AKAP9: variants seen among roughly 807,000 people sequenced by gnomAD.
AKAP9 encodes A-kinase anchoring protein 9.
Under a neutral mutation model 488.5 loss-of-function variants are expected in AKAP9, and 311 were observed. That is an observed-to-expected ratio of 0.64 (90% confidence interval 0.58 to 0.70). The LOEUF (loss-of-function observed/expected upper bound fraction) is 0.70. AKAP9 is among the 30% of genes least tolerant of loss of function. AKAP9 has a pLI of 0.00. For missense variants in AKAP9, 4,215 were observed against 4,374.5 expected (o/e 0.96, Z 1.03); for synonymous variants, 1,462 against 1,483.5 (o/e 0.99, Z 0.33).
chr7:92,047,985 T>A (rs1807292458), intron 21 of AKAP9, among the ~76,000 whole-genome samples: 1 of 152,152 alleles, frequency 6.6e-6, no homozygotes, highest in Non-Finnish European at 1.5e-5. Flanking sequence ...CCATCTTGCA[T>A]CTTTAAGGAT....
chr7:92,098,177 T>C lies in AKAP9; in HGVS notation c.10676T>C (p.Leu3559Ser), dbSNP rs765626241. ...WVQENIDEIILQLQKLTGQQG... is the reference protein window; with the variant it reads ...WVQENIDEIISQLQKLTGQQG... ...CAGGAAAATATTGATGAAATTATTT[T>C]ACAACTACAGAAATTAACTGGCCAG... The change falls in exon 43 of 50, where the codon TTA (leucine) becomes TCA (serine). Residue 3559 changes from leucine to serine, a missense_variant. By Grantham distance (145) the Leu-to-Ser change is moderately radical. This residue lies in a region of AKAP9 where 1,476 missense variants were observed against 1,477.4 expected (regional missense o/e 1.00). Coordinates refer to ENST00000356239, the MANE Select transcript of AKAP9 (RefSeq NM_005751.5). 6.2e-7 allele frequency: 1 copy of C among 1,612,136 alleles called. No homozygotes were observed. The highest frequency in any genetic ancestry group is 1.1e-5 in the South Asian group (1 of 91,016).
Position 92,001,754 on chromosome 7 carries a change from A to G in AKAP9, c.1837A>G (p.Arg613Gly). The G allele has an allele frequency of 6.2e-7, 1 of 1,613,398 alleles. No individual in the cohort carries two copies. The highest frequency in any genetic ancestry group is 8.5e-7 in the Non-Finnish European group (1 of 1,179,790). Residue 613 changes from arginine (R) to glycine (G), a missense_variant, in exon 8 of 50, where the codon AGA (arginine) becomes GGA (glycine). Arg to Gly is a moderately radical substitution (Grantham distance 125). This residue lies in a region of AKAP9 where 2,361 missense variants were observed against 2,430.0 expected (regional missense o/e 0.97). Transcript: ENST00000356239. ...AAAAGAAAAGAATGCTGTGTTAGAC[A>G]GAATGGCTGAATCACAAGAAGCTGA... ...LEKEKNAVLD[R>G]MAESQEAELE...
intron 7 of AKAP9, among the ~76,000 whole-genome samples, chr7:91,999,132 C>G (rs1355322879): frequency 6.6e-6 from 1 of 152,160 alleles, no homozygotes; most frequent in Non-Finnish European, 1.5e-5. Flanking sequence ...TGGCCTTCGA[C>G]TTGTAGGTTC....
chr7:92,070,701 C>T (rs1811577446), intron 27 of AKAP9, among the ~76,000 whole-genome samples: 1 of 151,154 alleles, frequency 6.6e-6, no homozygotes, highest in Admixed American at 6.6e-5. Flanking sequence ...TCCCAAAGTG[C>T]TGGGATTACA....
chr7:92,033,927 C>G (rs1298955250), intron 16 of AKAP9, among the ~76,000 whole-genome samples: 1 of 152,188 alleles, frequency 6.6e-6, no homozygotes, highest in East Asian at 1.9e-4. Context: ...AGGATGAAAT[C>G]TTTGTTTCCA....
At chr7:92,024,529 T>G (rs1802813933) in intron 14 of AKAP9, among the ~76,000 whole-genome samples, 1 of 151,668 alleles carries the variant, frequency 6.6e-6, no homozygotes, top group Non-Finnish European at 1.5e-5. Flanking sequence ...TCGTCTCTGG[T>G]GAAAGACTTT....
Position 91,963,530 on chromosome 7 carries a change from ATT to A in AKAP9, c.49-10177_49-10176del, listed in dbSNP as rs1279461691. On this transcript the variant is annotated intron_variant, in intron 1 of 49. Transcript: ENST00000356239. ...CACACACACACACACACACACACAT[ATT>A]TTTGAGACGGAGTCTTGCTCTGTCG... Among the ~76,000 whole-genome samples the A allele has an allele frequency of 1.8e-3, 271 of 150,020 alleles. 2 individuals are homozygous for A. Among genetic ancestry groups the A allele is most frequent in the Non-Finnish European group, 2.3e-3 (154 of 67,596 alleles).
rs1479531636 is a variant in AKAP9, at chr7:92,079,214, C to T, written c.7081C>T (p.Gln2361Ter). 1.2e-6 allele frequency: 2 copies of T among 1,613,880 alleles called. No homozygotes were observed. The highest frequency in any genetic ancestry group is 1.7e-6 in the Non-Finnish European group (2 of 1,179,972). ...QLNEVIEKLQ[Q>*]ELANIGQKTS... ...CAATGAAGTGATTGAAAAACTTCAA[C>T]AGGAATTGGCAAATATTGGACAGAA... Residue 2361 changes from glutamine (Q) to a stop codon, truncating the protein, a stop_gained, in exon 31 of 50, where the codon CAG (glutamine) becomes TAG (stop). Coordinates refer to ENST00000356239, the MANE Select transcript of AKAP9 (RefSeq NM_005751.5). LOFTEE classifies it high-confidence loss of function.
At chr7:91,963,498 AC>A (rs1794019218) in intron 1 of AKAP9, among the ~76,000 whole-genome samples, 3 of 145,820 alleles carry the variant, frequency 2.1e-5, no homozygotes, top group Non-Finnish European at 3.0e-5. Context: ...ACACACACAC[AC>A]ACACACACAC....
At chr7:92,095,225 G>C in intron 40 of AKAP9, 52 bp downstream of exon 40, 2 of 1,600,468 alleles carry the variant, frequency 1.2e-6, no homozygotes, top group Non-Finnish European at 1.7e-6. Context: ...TGATAGAAGA[G>C]GGTCTTAAGG....
intron 32 of AKAP9, 54 bp downstream of exon 32, chr7:92,082,716 G>C (rs1052954711): frequency 6.3e-7 from 1 of 1,581,476 alleles, no homozygotes; most frequent in East Asian, 2.2e-5. Flanking sequence ...TCTTAATTAC[G>C]TTTCAAAGTA....
chr7:92,102,166 AAAAAAAAT>A (rs941143056), intron 45 of AKAP9, among the ~76,000 whole-genome samples: 3 of 116,796 alleles, frequency 2.6e-5, no homozygotes, highest in Non-Finnish European at 5.1e-5. Flanking sequence ...ATAAATTTAA[AAAAAAAAT>A]AAATAAATAA....
intron 31 of AKAP9, among the ~76,000 whole-genome samples, chr7:92,080,395 G>A (rs1199117840): frequency 1.3e-5 from 2 of 152,078 alleles, no homozygotes; most frequent in African/African-American, 2.4e-5. Context: ...TCAGGAGATC[G>A]AGACCATCCT....
chr7:91,972,204 C>G (rs185123349), intron 1 of AKAP9, among the ~76,000 whole-genome samples: 116 of 152,158 alleles, frequency 7.6e-4, no homozygotes, highest in African/African-American at 2.7e-3. Flanking sequence ...TGCTGAACAG[C>G]CAGTCTGATT....
chr7:92,054,598 G>A (rs1808480205), intron 22 of AKAP9, among the ~76,000 whole-genome samples: 1 of 151,944 alleles, frequency 6.6e-6, no homozygotes. Context: ...TCAGGGCACT[G>A]GACAAGTATC....
chr7:91,965,660 G>A (rs149581769), intron 1 of AKAP9, among the ~76,000 whole-genome samples: 9 of 152,164 alleles, frequency 5.9e-5, no homozygotes, highest in African/African-American at 2.2e-4. Context: ...AGTATACAAG[G>A]GCTCTTCTCT....
At chr7:91,944,948 A>G (rs572134315) in intron 1 of AKAP9, among the ~76,000 whole-genome samples, 5 of 152,276 alleles carry the variant, frequency 3.3e-5, no homozygotes, top group Admixed American at 6.5e-5. Context: ...TCGTATTGCT[A>G]TGGGCATGCT....
At chr7:91,970,968 T>C (rs1316945897) in intron 1 of AKAP9, among the ~76,000 whole-genome samples, 1 of 152,122 alleles carries the variant, frequency 6.6e-6, no homozygotes, top group Non-Finnish European at 1.5e-5. Context: ...CATTATATTA[T>C]GTAGTGCTGA....
intron 20 of AKAP9, chr7:92,042,983 C>A: frequency 2.8e-6 from 1 of 362,338 alleles, no homozygotes; most frequent in South Asian, 3.2e-5. Context: ...AAAATCTTTT[C>A]TATATAAATT....
Sources: allele counts gnomAD v4.1 joint callset (sites outside exome capture counted in the v4.1 genomes callset), GRCh38; gene constraint gnomAD v4.1.1; regional missense constraint gnomAD v4.1.1; transcripts MANE v1.5; gene names NCBI Gene and HGNC (gene_info 2026-07-23, HGNC 2026-07-21).